Variants in NFATC3 observed in about 807,000 individuals in gnomAD.
NFATC3 encodes the protein nuclear factor of activated T-cells, cytoplasmic 3.
In NFATC3, 46 loss-of-function variants were observed where a neutral mutation model predicts 98.6. The observed-to-expected ratio is 0.47, with a 90% CI of 0.37 to 0.60. NFATC3 has a LOEUF of 0.60. Among genes scored for constraint, NFATC3 ranks in the 20% least tolerant of loss-of-function variants. The pLI is 0.00. For missense variants in NFATC3, 1,256 were observed against 1,295.5 expected, an observed-to-expected ratio of 0.97 and a Z score of 0.47; for synonymous variants, 512 against 472.2, an observed-to-expected ratio of 1.08 and a Z score of -1.09.
intron 3 of NFATC3, among the ~76,000 whole-genome samples, chr16:68,128,149 G>A (rs1289953559): frequency 4.0e-5 from 6 of 151,598 alleles, no homozygotes; most frequent in East Asian, 1.9e-4. Context: ...TTTTTCTCTC[G>A]TCTTAATGGT....
chr16:68,150,412 TAAAA>T (rs60606928), intron 3 of NFATC3, among the ~76,000 whole-genome samples: 13 of 81,080 alleles, frequency 1.6e-4, no homozygotes, highest in African/African-American at 4.9e-4. Context: ...CTTCTATATC[TAAAA>T]AAAAAAAAAA....
chr16:68,222,893 A>T (rs2041920164), intron 9 of NFATC3, among the ~76,000 whole-genome samples: 1 of 152,208 alleles, frequency 6.6e-6, no homozygotes. Flanking sequence ...TCTTAGCACA[A>T]GACTAGCTCG....
intron 1 of NFATC3, among the ~76,000 whole-genome samples, chr16:68,096,056 T>C (rs2035001926): frequency 6.6e-6 from 1 of 152,220 alleles, no homozygotes; most frequent in Non-Finnish European, 1.5e-5. Flanking sequence ...GGCTCAATCA[T>C]AGATCACTGC....
intron 5 of NFATC3, among the ~76,000 whole-genome samples, chr16:68,168,321 C>G (rs1314663944): frequency 1.3e-5 from 2 of 151,656 alleles, no homozygotes; most frequent in Non-Finnish European, 2.9e-5. Context: ...TGCCACCATA[C>G]CTGGCTAATT....
At chr16:68,181,031 G>T (rs1392274739) in intron 6 of NFATC3, among the ~76,000 whole-genome samples, 3 of 152,192 alleles carry the variant, frequency 2.0e-5, no homozygotes, top group Admixed American at 6.5e-5. Context: ...GCAATGGGAT[G>T]GTTGGGTCAA....
intron 3 of NFATC3, among the ~76,000 whole-genome samples, chr16:68,148,177 C>T (rs954976847): frequency 1.5e-4 from 23 of 152,062 alleles, no homozygotes; most frequent in Middle Eastern, 3.4e-3. Context: ...CCACCATGCC[C>T]GGCTAATTTT....
chr16:68,184,834 C>A (rs1598532307), intron 8 of NFATC3, among the ~76,000 whole-genome samples: 2 of 113,710 alleles, frequency 1.8e-5, no homozygotes, highest in African/African-American at 3.1e-5. Context: ...AACAAACAAA[C>A]AAAAAACACA....
At chr16:68,186,217 TAA>T (rs898063568) in intron 8 of NFATC3, among the ~76,000 whole-genome samples, 4 of 143,016 alleles carry the variant, frequency 2.8e-5, no homozygotes, top group African/African-American at 2.6e-5. Context: ...TTACTGTAAT[TAA>T]AAAAAAAAAA....
intron 1 of NFATC3, among the ~76,000 whole-genome samples, chr16:68,109,604 G>A (rs966691439): frequency 2.0e-5 from 3 of 152,176 alleles, no homozygotes; most frequent in African/African-American, 7.2e-5. Context: ...GAGTTAGGGA[G>A]TAGTCCTTCC....
intron 3 of NFATC3, among the ~76,000 whole-genome samples, chr16:68,151,762 G>C (rs1208541053): frequency 6.6e-6 from 1 of 152,098 alleles, no homozygotes; most frequent in East Asian, 1.9e-4. Context: ...GGGTGATACT[G>C]TCCAAGTTAA....
chr16:68,166,937 C>T lies in NFATC3; in HGVS notation c.1696C>T (p.Leu566Phe). 6.2e-7 allele frequency: 1 copy of T among 1,614,128 alleles called. No homozygotes were observed. Residue 566 changes from leucine to phenylalanine, a missense_variant, in exon 5 of 10, where the codon CTT becomes TTT. Leu to Phe is a conservative substitution (Grantham distance 22). Around this residue, in one of 3 missense-constraint regions of NFATC3, gnomAD observed 636 missense variants for 617.3 expected, o/e 1.03. Transcript: ENST00000346183. ...DIGRKNTRVR[L>F]VFRVHIPQPS... is the part of the protein sequence containing the mutation. ...TGGCAGAAAGAATACTAGAGTACGA[C>T]TTGTGTTTCGTGTACACATCCCACA...
chr16:68,086,131 T>C (rs2034359682), intron 1 of NFATC3, among the ~76,000 whole-genome samples: 1 of 152,244 alleles, frequency 6.6e-6, no homozygotes, highest in Non-Finnish European at 1.5e-5. Context: ...TGTGAATTGT[T>C]AGCGCACTGG....
intron 4 of NFATC3, among the ~76,000 whole-genome samples, chr16:68,161,757 T>C (rs1035724388): frequency 3.3e-5 from 5 of 152,238 alleles, no homozygotes; most frequent in African/African-American, 9.6e-5. Flanking sequence ...TTTTCTTGGC[T>C]TTATTTGTAT....
intron 3 of NFATC3, chr16:68,138,718 T>C (rs1168674085): frequency 1.6e-6 from 2 of 1,288,828 alleles, no homozygotes; most frequent in African/African-American, 3.0e-5. Context: ...AAGTAGTCCC[T>C]GGCTGGGCAG....
intron 7 of NFATC3, 49 bp from the exon 8 acceptor site, chr16:68,183,191 A>G (rs766876828): frequency 6.5e-7 from 1 of 1,533,346 alleles, no homozygotes; most frequent in East Asian, 2.3e-5. Flanking sequence ...TAACAGGTGC[A>G]TTTCATTTTT....
Position 68,123,058 on chromosome 16 carries a change from T to G in NFATC3, c.1175T>G (p.Phe392Cys). 6.2e-7 allele frequency: 1 copy of G among 1,611,236 alleles called. No individual in the cohort carries two copies. The highest frequency in any genetic ancestry group is 2.2e-5 in the East Asian group (1 of 44,880). Reference protein sequence around the residue: ...PLKKDSCGDQFLSVPSPFTWS... With the variant: ...PLKKDSCGDQCLSVPSPFTWS... ...AAGAAAGATTCATGTGGTGATCAGT[T>G]TCTTTCAGTTCCTTCACCCTTTACC... The change falls in exon 2 of 10, where the codon TTT becomes TGT. Residue 392 changes from phenylalanine to cysteine, a missense_variant. Around this residue, in one of 3 missense-constraint regions of NFATC3, gnomAD observed 156 missense variants for 212.4 expected, o/e 0.73. Coordinates refer to ENST00000346183, the MANE Select transcript of NFATC3 (RefSeq NM_173165.3).
chr16:68,180,634 A>G (rs931592066), intron 6 of NFATC3, among the ~76,000 whole-genome samples: 10 of 151,956 alleles, frequency 6.6e-5, no homozygotes, highest in Non-Finnish European at 1.5e-4. Context: ...ATATCTCCTA[A>G]TGCTATCCCT....
In NFATC3 at chr16:68,122,866, T is replaced by A. The variant is rs200880408; in HGVS notation, c.983T>A (p.Phe328Tyr). 1 of 1,614,210 alleles carries A rather than the reference T, an allele frequency of 6.2e-7. No homozygotes were observed. The highest frequency in any genetic ancestry group is 2.2e-5 in the East Asian group (1 of 44,888). Reference sequence around the variant, plus strand: ...GGCCTTGGCCCTGCAGTTTTTCCATTTCAGTACTGTGTAGAGACTGACATC... The same window carrying A: ...GGCCTTGGCCCTGCAGTTTTTCCATATCAGTACTGTGTAGAGACTGACATC... Reference protein sequence around the residue: ...GSGLGPAVFPFQYCVETDIPL... With the variant: ...GSGLGPAVFPYQYCVETDIPL... The change falls in exon 2 of 10, where the codon TTT becomes TAT. Residue 328 changes from phenylalanine (F) to tyrosine (Y), a missense_variant. By Grantham distance (22) the Phe-to-Tyr change is conservative. Coordinates refer to ENST00000346183, the MANE Select transcript of NFATC3 (RefSeq NM_173165.3).
intron 9 of NFATC3, chr16:68,209,398 T>C: frequency 6.3e-6 from 1 of 159,226 alleles, no homozygotes; most frequent in Non-Finnish European, 1.4e-5. Context: ...CTGCCACTGC[T>C]GAGTTGAGTG....
Sources: gnomAD v4.1 joint callset for allele counts (sites outside exome capture counted in the v4.1 genomes callset) on GRCh38, gnomAD v4.1.1 for gene constraint, gnomAD v4.1.1 regional missense constraint, MANE v1.5 for transcripts, NCBI Gene and HGNC (gene_info 2026-07-23, HGNC 2026-07-21) for gene names.